CNP: variants seen among roughly 807,000 people sequenced by gnomAD.
The protein encoded by CNP is 2',3'-cyclic-nucleotide 3'-phosphodiesterase.
In CNP, 8 loss-of-function variants were observed where a neutral mutation model predicts 37.9. The observed-to-expected ratio is 0.21, with a 90% CI of 0.12 to 0.38. The LOEUF is 0.38. Ranked by LOEUF, CNP falls within the 10% of genes least tolerant of loss-of-function variation. CNP has a pLI of 1.00. For missense variants in CNP, 457 were observed against 551.0 expected (o/e 0.83, Z 1.71); for synonymous variants, 237 against 238.3 (o/e 0.99, Z 0.05).
intron 2 of CNP, among the ~76,000 whole-genome samples, chr17:41,969,466 CT>C (rs1226931440): frequency 6.6e-6 from 1 of 152,246 alleles, no homozygotes; most frequent in East Asian, 1.9e-4. Context: ...AAGAAGGGTC[CT>C]GGTGGCTCTC....
intron 2 of CNP, among the ~76,000 whole-genome samples, chr17:41,969,556 T>C (rs1056227061): frequency 2.0e-5 from 3 of 151,952 alleles, no homozygotes; most frequent in African/African-American, 7.3e-5. Context: ...CCTCCAATTT[T>C]ATTTATTTAT....
In CNP at chr17:41,968,725, A is replaced by G. The variant is rs1555643335; in HGVS notation, c.661A>G (p.Lys221Glu). 1 of 1,610,416 alleles carries G rather than the reference A, an allele frequency of 6.2e-7. No individual in the cohort carries two copies. Among genetic ancestry groups the G allele is most frequent in the Non-Finnish European group, 8.5e-7 (1 of 1,177,694 alleles). ...EELGNHKAFK[K>E]ELRQFVPGDE... ...GCTGGGGAACCACAAGGCCTTCAAG[A>G]AGGAGCTGCGACAATGTAGGTGGCA... The change falls in exon 2 of 4, where the codon AAG (lysine) becomes GAG (glutamate). Residue 221 changes from lysine to glutamate, a missense_variant. By Grantham distance (56) the Lys-to-Glu change is moderately conservative (BLOSUM62 1). Around this residue, in one of 2 missense-constraint regions of CNP, gnomAD observed 291 missense variants for 291.7 expected, o/e 1.00. Coordinates refer to ENST00000393892, the MANE Select transcript of CNP (RefSeq NM_033133.5). The surrounding 1 kb of genome is among the most constrained non-coding windows in gnomAD (Gnocchi z 4.8).
At position 41,975,065 on chromosome 17, in the gene CNP, T is replaced by C. The variant is rs1270389117; in HGVS notation, c.*1141T>C. 11 of 152,416 alleles carry C rather than the reference T, an allele frequency of 7.2e-5. No individual in the cohort carries two copies. The highest frequency in any genetic ancestry group is 5.2e-4 in the Admixed American group (8 of 15,308). The allele number at this position is 152,416 out of a possible 1,614,324, so 9.4% of individuals were successfully genotyped here. ...CCTCTGTTCAGTAACAGGGCCTTGC[T>C]AATCGGGTTGTCACTCAACAAAAGT... On this transcript the variant is annotated 3_prime_UTR_variant, in exon 4 of 4. Coordinates refer to ENST00000393892, the MANE Select transcript of CNP (RefSeq NM_033133.5).
chr17:41,977,332 C>T lies in CNP; in HGVS notation c.*3408C>T, dbSNP rs2051114660. On this transcript the variant is annotated 3_prime_UTR_variant, in exon 4 of 4. Coordinates refer to ENST00000393892, the MANE Select transcript of CNP (RefSeq NM_033133.5). ...ATTGTTTGGATCAAAATCTGTAGAG[C>T]AGGGCAAGTAACATGGAAGGGAAGA... 1 of 1,574,938 alleles carries T rather than the reference C, an allele frequency of 6.3e-7. No homozygotes were observed. Among genetic ancestry groups the T allele is most frequent in the Non-Finnish European group, 8.6e-7 (1 of 1,159,964 alleles).
rs11079028 is a variant in CNP, at chr17:41,974,115, G to T, written c.*191G>T. On this transcript the variant is annotated 3_prime_UTR_variant, in exon 4 of 4. Coordinates refer to ENST00000393892, the MANE Select transcript of CNP (RefSeq NM_033133.5). ...CGCCCTCTTCCCCTCTAATGCTCAC[G>T]CTCCCAACACAAGGTGGGCAGGGAG... 2.2e-6 allele frequency: 1 copy of T among 462,142 alleles called. No homozygotes were observed. The highest frequency in any genetic ancestry group is 3.6e-6 in the Non-Finnish European group (1 of 279,868). 28.6% of individuals were successfully genotyped at this position (462,142 alleles called of 1,614,324 possible).
Position 41,966,851 on chromosome 17 carries a change from G to C in CNP, c.-34G>C, listed in dbSNP as rs1555642947. The C allele has an allele frequency of 2.2e-6, 3 of 1,368,832 alleles. No individual in the cohort carries two copies. The highest frequency in any genetic ancestry group is 3.1e-5 in the East Asian group (1 of 32,542). 84.8% of individuals were successfully genotyped at this position (1,368,832 alleles called of 1,614,324 possible). On this transcript the variant is annotated 5_prime_UTR_variant, in exon 1 of 4. Transcript: ENST00000393892. ...CGGGCGGCCCCGGAGCGCTGGTGCCGGCAGAGGCGGCGACGGTGGCGCCCC... is the reference window on the plus strand; with the variant it reads ...CGGGCGGCCCCGGAGCGCTGGTGCCCGCAGAGGCGGCGACGGTGGCGCCCC...
Position 41,977,122 on chromosome 17 carries a change from G to T in CNP, c.*3198G>T. 1.1e-6 allele frequency: 1 copy of T among 878,724 alleles called. No individual in the cohort carries two copies. Among genetic ancestry groups the T allele is most frequent in the Non-Finnish European group, 1.8e-6 (1 of 568,072 alleles). The allele number at this position is 878,724 out of a possible 1,614,324, so 54.4% of individuals were successfully genotyped here. ...CCTGTCTTCATCCTTAGCAACAGCC[G>T]AGTGGATAGATGCCCTGCTAGATGA... On this transcript the variant is annotated 3_prime_UTR_variant, in exon 4 of 4. Coordinates refer to ENST00000393892, the MANE Select transcript of CNP (RefSeq NM_033133.5).
In CNP at chr17:41,971,821, G is replaced by A. The variant is rs1364283982; in HGVS notation, c.677-71G>A. ...GTCCGAGTGTTTTGCGCTGGGCCTC[G>A]GTGGTCCTGGTGGCGGATGTTGGTA... On this transcript the variant is annotated intron_variant, in intron 2 of 3. Coordinates refer to ENST00000393892, the MANE Select transcript of CNP (RefSeq NM_033133.5). The A allele has an allele frequency of 1.3e-5, 21 of 1,593,728 alleles. No homozygotes were observed. In the Admixed American group the frequency reaches 2.7e-4, roughly 21 times the overall value.
In CNP at chr17:41,976,908, G is replaced by A; in HGVS notation, c.*2984G>A. ...AACTCTATGGGTATCAAACAGCTCA[G>A]GCTGTTTTTGGGTGCAAGAGGGAGC... On this transcript the variant is annotated 3_prime_UTR_variant, in exon 4 of 4. Transcript: ENST00000393892. The A allele has an allele frequency of 9.0e-7, 1 of 1,111,786 alleles. No homozygotes were observed. Among genetic ancestry groups the A allele is most frequent in the Non-Finnish European group, 1.3e-6 (1 of 788,052 alleles). 68.9% of individuals were successfully genotyped at this position (1,111,786 alleles called of 1,614,324 possible).
In CNP at chr17:41,976,977, T is replaced by C. The variant is rs994644315; in HGVS notation, c.*3053T>C. Reference sequence around the variant, plus strand: ...TGGGTAGCTTCTGACCTCAGCATTATCTATATAGTACCTTTGCTCTTGCAG... The same window carrying C: ...TGGGTAGCTTCTGACCTCAGCATTACCTATATAGTACCTTTGCTCTTGCAG... On this transcript the variant is annotated 3_prime_UTR_variant, in exon 4 of 4. Transcript: ENST00000393892. 4.6e-6 allele frequency: 3 copies of C among 657,590 alleles called. No homozygotes were observed. Among genetic ancestry groups the C allele is most frequent in the Non-Finnish European group, 5.1e-6 (2 of 389,368 alleles). 40.7% of individuals were successfully genotyped at this position (657,590 alleles called of 1,614,324 possible).
In CNP at chr17:41,975,431, C is replaced by G. The variant is rs1296564950; in HGVS notation, c.*1507C>G. On this transcript the variant is annotated 3_prime_UTR_variant, in exon 4 of 4. Coordinates refer to ENST00000393892, the MANE Select transcript of CNP (RefSeq NM_033133.5). ...AGGGATGTGGAGCACAAAAGCCTCT[C>G]ATCCCCCATTAACCAGGGCACCAAG... The G allele has an allele frequency of 6.6e-6, 1 of 152,646 alleles. No homozygotes were observed. Among genetic ancestry groups the G allele is most frequent in the African/African-American group, 2.4e-5 (1 of 41,426 alleles). 9.5% of individuals were successfully genotyped at this position (152,646 alleles called of 1,614,324 possible).
At position 41,974,654 on chromosome 17, in the gene CNP, A is replaced by C. The variant is rs929841194; in HGVS notation, c.*730A>C. 2.6e-5 allele frequency: 4 copies of C among 152,268 alleles called. No individual in the cohort carries two copies. The highest frequency in any genetic ancestry group is 9.7e-5 in the African/African-American group (4 of 41,440). 9.4% of individuals were successfully genotyped at this position (152,268 alleles called of 1,614,324 possible). ...TAAGTCCCTGCCCCCTCCCCTTCAC[A>C]CCATAACTAGGTAACAGTTTGATAA... On this transcript the variant is annotated 3_prime_UTR_variant, in exon 4 of 4. Coordinates refer to ENST00000393892, the MANE Select transcript of CNP (RefSeq NM_033133.5).
At position 41,968,864 on chromosome 17, in the gene CNP, C is replaced by T. The variant is rs1157052574; in HGVS notation, c.676+124C>T. The T allele has an allele frequency of 5.1e-6, 6 of 1,175,364 alleles. No homozygotes were observed. The highest frequency in any genetic ancestry group is 1.6e-5 in the African/African-American group (1 of 64,370). 72.8% of individuals were successfully genotyped at this position (1,175,364 alleles called of 1,614,324 possible). A position where few individuals can be genotyped will look rare whatever the true frequency, so the allele number is the denominator to read the frequency against. On this transcript the variant is annotated intron_variant, in intron 2 of 3. Transcript: ENST00000393892. The surrounding 1 kb of genome is among the most constrained non-coding windows in gnomAD (Gnocchi z 4.8). ...GCAGGAGGCAGAGAGAGGCTCACCT[C>T]AGCGGGGGCAGGGGCAAGCGGTGCG...
At position 41,976,888 on chromosome 17, in the gene CNP, T is replaced by C. The variant is rs1555644930; in HGVS notation, c.*2964T>C. On this transcript the variant is annotated 3_prime_UTR_variant, in exon 4 of 4. Coordinates refer to ENST00000393892, the MANE Select transcript of CNP (RefSeq NM_033133.5). ...CAAACTCAAACACAGAGAGAAACTCTATGGGTATCAAACAGCTCAGGCTGT... is the reference window on the plus strand; with the variant it reads ...CAAACTCAAACACAGAGAGAAACTCCATGGGTATCAAACAGCTCAGGCTGT... 3 of 1,299,466 alleles carry C rather than the reference T, an allele frequency of 2.3e-6. No individual in the cohort carries two copies. Among genetic ancestry groups the C allele is most frequent in the African/African-American group, 1.5e-5 (1 of 67,004 alleles). The allele number at this position is 1,299,466 out of a possible 1,614,324, so 80.5% of individuals were successfully genotyped here. A position where few individuals can be genotyped will look rare whatever the true frequency, so the allele number is the denominator to read the frequency against.
chr17:41,971,829 T>C, intron 2 of CNP, 63 bp from the exon 3 acceptor site: 1 of 1,599,244 alleles, frequency 6.3e-7, no homozygotes, highest in Non-Finnish European at 8.5e-7. Flanking sequence ...TCGGTGGTCC[T>C]GGTGGCGGAT....
rs1345049939 is a variant in CNP, at chr17:41,967,228, C to A, written c.3+341C>A. 2.0e-5 allele frequency: 5 copies of A among 248,660 alleles called. No individual in the cohort carries two copies. In the Admixed American group the frequency reaches 2.8e-4, roughly 14 times the overall value. The allele number at this position is 248,660 out of a possible 1,614,324, so 15.4% of individuals were successfully genotyped here. A position where few individuals can be genotyped will look rare whatever the true frequency, so the allele number is the denominator to read the frequency against. ...GCTGGGGCAGCCGCTTCGGCGCCCC[C>A]TCCCCGGGCCCAGTCTCATCACGCG... On this transcript the variant is annotated intron_variant, in intron 1 of 3. Transcript: ENST00000393892.
Position 41,977,184 on chromosome 17 carries a change from C to A in CNP, c.*3260C>A, listed in dbSNP as rs2051108379. The A allele has an allele frequency of 6.9e-7, 1 of 1,446,772 alleles. No homozygotes were observed. Among genetic ancestry groups the A allele is most frequent in the Admixed American group, 2.0e-5 (1 of 49,358 alleles). 89.6% of individuals were successfully genotyped at this position (1,446,772 alleles called of 1,614,324 possible). ...CCCCCGCTCATGGGCCCCTCTGACT[C>A]CCAAAGAGCTGCCTAAGAGGCAATG... is the stretch of plus-strand genomic sequence containing the variant. On this transcript the variant is annotated 3_prime_UTR_variant, in exon 4 of 4. Transcript: ENST00000393892.
Position 41,968,586 on chromosome 17 carries a change from G to A in CNP, c.522G>A (p.Leu174=), listed in dbSNP as rs1206880080. 5.0e-6 allele frequency: 8 copies of A among 1,613,966 alleles called. No homozygotes were observed. Among genetic ancestry groups the A allele is most frequent in the Non-Finnish European group, 6.8e-6 (8 of 1,180,042 alleles). Reference sequence around the variant, plus strand: ...AGTGGCAGCTGTCGGCTGATGACCTGAAGAAGCTGAAGCCTGGGCTGGAGA... The same window carrying A: ...AGTGGCAGCTGTCGGCTGATGACCTAAAGAAGCTGAAGCCTGGGCTGGAGA... ...KNQWQLSADD[L]KKLKPGLEKD... The change falls in exon 2 of 4, where the codon CTG becomes CTA. Residue 174 remains leucine, a synonymous_variant. Coordinates refer to ENST00000393892, the MANE Select transcript of CNP (RefSeq NM_033133.5). This position sits in a 1 kb window ranked among gnomAD's most constrained non-coding sequence, Gnocchi z 4.8.
Position 41,973,746 on chromosome 17 carries a change from A to T in CNP, c.1088A>T (p.Glu363Val). Residue 363 changes from glutamate (E) to valine (V), a missense_variant, in exon 4 of 4, where the codon GAG becomes GTG. Coordinates refer to ENST00000393892, the MANE Select transcript of CNP (RefSeq NM_033133.5). ...RQEKGGSRGE[E>V]VGELSRGKLY... The stretch of plus-strand genomic sequence containing the variant: ...GAGAAGGGGGGCAGCCGAGGCGAGG[A>T]GGTGGGCGAGCTAAGCCGGGGCAAG... 1.2e-6 allele frequency: 2 copies of T among 1,611,936 alleles called. No homozygotes were observed. Among genetic ancestry groups the T allele is most frequent in the Non-Finnish European group, 1.7e-6 (2 of 1,178,858 alleles).
Sources: gnomAD v4.1 joint callset for allele counts (sites outside exome capture counted in the v4.1 genomes callset) on GRCh38, gnomAD v4.1.1 for gene constraint, gnomAD v4.1.1 regional missense constraint, Gnocchi (gnomAD v3.1) non-coding constraint, MANE v1.5 for transcripts, NCBI Gene and HGNC (gene_info 2026-07-23, HGNC 2026-07-21) for gene names.